Variants in CPNE3 observed in about 807,000 individuals in gnomAD.
CPNE3 encodes copine-3.
In CPNE3, 68 loss-of-function variants were observed where a neutral mutation model predicts 63.9. The ratio of observed to expected loss-of-function variants is 1.06; its 90% confidence interval spans 0.87 to 1.30. CPNE3 has a LOEUF of 1.30. CPNE3 is among the 50% of genes most tolerant of loss of function. CPNE3 has a pLI of 0.00. For synonymous variants in CPNE3, 219 were observed against 197.5 expected (o/e 1.11, Z -0.91); for missense variants, 665 against 578.1 (o/e 1.15, Z -1.54).
intron 11 of CPNE3, 38 bp downstream of exon 11, chr8:86,547,808 C>T (rs200420687): frequency 1.2e-4 from 109 of 933,502 alleles, no homozygotes; most frequent in Non-Finnish European, 1.8e-4. Context: ...TAGGCTTTTT[C>T]CTCCATGTTG....
At chr8:86,529,813 AT>A (rs201755296) in intron 4 of CPNE3, among the ~76,000 whole-genome samples, 38 of 151,118 alleles carry the variant, frequency 2.5e-4, no homozygotes, top group African/African-American at 2.4e-4. Context: ...GGGAGGAGTA[AT>A]TTTTTTTTCA....
intron 14 of CPNE3, 54 bp downstream of exon 14, chr8:86,551,288 G>C: frequency 1.7e-6 from 2 of 1,195,560 alleles, no homozygotes; most frequent in Non-Finnish European, 2.5e-6. Flanking sequence ...ACTAGTCTTT[G>C]TTATTTTGTT....
chr8:86,524,704 G>A (rs1252987840), intron 2 of CPNE3: 1 of 43,552 alleles, frequency 2.3e-5, no homozygotes, highest in African/African-American at 6.9e-5. Flanking sequence ...TTTTTTTTGC[G>A]ACAGGGTCTT....
intron 14 of CPNE3, among the ~76,000 whole-genome samples, chr8:86,553,038 A>AT (rs1821228798): frequency 7.2e-6 from 1 of 138,924 alleles, no homozygotes; most frequent in Non-Finnish European, 1.5e-5. Flanking sequence ...TAATTTTTGT[A>AT]TTTTTAGTAA....
intron 14 of CPNE3, 75 bp downstream of exon 14, chr8:86,551,309 TG>T: frequency 9.2e-7 from 1 of 1,082,164 alleles, no homozygotes; most frequent in Non-Finnish European, 1.4e-6. Flanking sequence ...CTTTGTTCTT[TG>T]TTTTTTTTCT....
At chr8:86,515,773 CACGTAGTTAGTGGTA>C (rs1820286307) in intron 2 of CPNE3, among the ~76,000 whole-genome samples, 1 of 152,116 alleles carries the variant, frequency 6.6e-6, no homozygotes, top group Non-Finnish European at 1.5e-5. Flanking sequence ...AAGTGCTTGA[CACGTAGTTAGTGGTA>C]AGCTATATAT....
At chr8:86,557,398 A>G (rs1821347342) in intron 16 of CPNE3, among the ~76,000 whole-genome samples, 1 of 152,120 alleles carries the variant, frequency 6.6e-6, no homozygotes, top group Admixed American at 6.5e-5. Flanking sequence ...GGCCTCCCTA[A>G]GTGCTGGGAT....
chr8:86,544,600 C>T, intron 8 of CPNE3, 140 bp from the exon 9 acceptor site: 1 of 328,626 alleles, frequency 3.0e-6, no homozygotes, highest in Non-Finnish European at 5.2e-6. Context: ...TTCCTACTGT[C>T]CCAAGTAGGG....
chr8:86,537,481 C>A, intron 6 of CPNE3, 82 bp from the exon 7 acceptor site: 1 of 837,294 alleles, frequency 1.2e-6, no homozygotes, highest in Non-Finnish European at 2.1e-6. Flanking sequence ...AGGTGGTTGC[C>A]AACATGTGTA....
intron 2 of CPNE3, chr8:86,524,872 T>TTTCTTTG: frequency 2.1e-5 from 1 of 46,756 alleles, no homozygotes; most frequent in Non-Finnish European, 4.6e-5. Context: ...TTCTTTCTTT[T>TTTCTTTG]TTAGACGGAG....
At position 86,532,479 on chromosome 8, in the gene CPNE3, T is replaced by C. The variant is rs199855823; in HGVS notation, c.388-30T>C. 21 of 1,564,584 alleles carry C rather than the reference T, an allele frequency of 1.3e-5. No individual in the cohort carries two copies. The East Asian group carries it at 3.6e-4, about 27-fold the overall frequency. On this transcript the variant is annotated intron_variant, in intron 5 of 16. Transcript: ENST00000517490. ...TGTCTATCAGAATTCCTAAAACATA[T>C]TTTCTTTCACTTACCTGATCTACTC...
Position 86,547,780 on chromosome 8 carries a change from A to C in CPNE3, c.879+10A>C. 8.1e-7 allele frequency: 1 copy of C among 1,231,418 alleles called. No homozygotes were observed. The highest frequency in any genetic ancestry group is 1.2e-6 in the Non-Finnish European group (1 of 836,452). 76.3% of individuals were successfully genotyped at this position (1,231,418 alleles called of 1,614,324 possible). A position where few individuals can be genotyped will look rare whatever the true frequency, so the allele number is the denominator to read the frequency against. Reference sequence around the variant, plus strand: ...TCAGCTGAATTTTACTGTAAGTAACACACTGAATTTTTCAGCATAGGCTTT... The same window carrying C: ...TCAGCTGAATTTTACTGTAAGTAACCCACTGAATTTTTCAGCATAGGCTTT... On this transcript the variant is annotated intron_variant, in intron 11 of 16. Transcript: ENST00000517490.
chr8:86,517,368 C>T (rs913072947), intron 2 of CPNE3, among the ~76,000 whole-genome samples: 1 of 152,084 alleles, frequency 6.6e-6, no homozygotes, highest in Non-Finnish European at 1.5e-5. Flanking sequence ...ATATCTAGTT[C>T]CTGTGAAAAT....
chr8:86,554,249 G>A (rs1234157394), intron 14 of CPNE3: 1 of 152,240 alleles, frequency 6.6e-6, no homozygotes, highest in Admixed American at 6.5e-5. Flanking sequence ...GCAGGTCTAG[G>A]GGTAGTACCC....
intron 4 of CPNE3, among the ~76,000 whole-genome samples, chr8:86,530,751 G>A (rs1327582459): frequency 1.3e-5 from 2 of 150,114 alleles, no homozygotes; most frequent in Admixed American, 6.7e-5. Context: ...GAGTGCAACA[G>A]TGCGATCTTG....
intron 4 of CPNE3, among the ~76,000 whole-genome samples, chr8:86,530,550 A>G (rs1159124598): frequency 1.3e-5 from 2 of 152,156 alleles, no homozygotes; most frequent in East Asian, 3.9e-4. Flanking sequence ...ATGCGATGAG[A>G]ATCCAGTCCT....
chr8:86,545,001 T>C (rs1821017290), intron 9 of CPNE3, 163 bp downstream of exon 9: 1 of 379,204 alleles, frequency 2.6e-6, no homozygotes, highest in Non-Finnish European at 4.7e-6. Context: ...AATTCATACT[T>C]GGGGCATGAA....
chr8:86,537,583 C>T lies in CPNE3; in HGVS notation c.480C>T (p.Asp160=). The change falls in exon 7 of 17, where the codon GAC becomes GAT. Residue 160 remains aspartate (D), a synonymous_variant. Coordinates refer to ENST00000517490, the MANE Select transcript of CPNE3 (RefSeq NM_003909.5). Reference sequence around the variant, plus strand: ...TGTAGGATCTATTTGGAAAGTCAGACCCATACCTGGAATTCCACAAGCAGA... The same window carrying T: ...TGTAGGATCTATTTGGAAAGTCAGATCCATACCTGGAATTCCACAAGCAGA... ...LDNKDLFGKS[D]PYLEFHKQTS... 1.2e-6 allele frequency: 2 copies of T among 1,605,876 alleles called. No homozygotes were observed. The highest frequency in any genetic ancestry group is 1.7e-6 in the Non-Finnish European group (2 of 1,172,678).
intron 16 of CPNE3, among the ~76,000 whole-genome samples, chr8:86,557,080 G>GT (rs1480030784): frequency 6.6e-6 from 1 of 152,136 alleles, no homozygotes; most frequent in Non-Finnish European, 1.5e-5. Context: ...GCTGTTGCCT[G>GT]TTTTTCTCTC....
Sources: gnomAD v4.1 joint callset for allele counts (sites outside exome capture counted in the v4.1 genomes callset) on GRCh38, gnomAD v4.1.1 for gene constraint, MANE v1.5 for transcripts, NCBI Gene and HGNC (gene_info 2026-07-23, HGNC 2026-07-21) for gene names.